FKTN: variants seen among roughly 807,000 people sequenced by gnomAD.
FKTN encodes ribitol-5-phosphate transferase FKTN.
A neutral mutation model predicts 58.6 loss-of-function variants in FKTN; 47 were observed. The observed-to-expected ratio is 0.80, with a 90% confidence interval of 0.63 to 1.02. FKTN has a LOEUF of 1.02. Among genes scored for constraint, FKTN ranks in the 50% least tolerant of loss-of-function variants. The pLI, the probability that FKTN is intolerant of heterozygous loss-of-function variation, is 0.00. For missense variants in FKTN, 516 were observed against 537.3 expected (o/e 0.96, Z 0.39); for synonymous variants, 178 against 191.9 (o/e 0.93, Z 0.60).
At chr9:105,619,654 A>AT (rs201402850) in intron 9 of FKTN, among the ~76,000 whole-genome samples, 2 of 151,574 alleles carry the variant, frequency 1.3e-5, no homozygotes, top group East Asian at 1.9e-4. Flanking sequence ...GGATATTTCT[A>AT]TTTTTTTTCT....
Position 105,585,664 on chromosome 9 carries a change from C to G in FKTN, c.105+10527C>G, listed in dbSNP as rs147772136. Among the ~76,000 whole-genome samples, 759 of 152,246 alleles carry G rather than the reference C, an allele frequency of 5.0e-3. 9 individuals carry two copies. The highest frequency in any genetic ancestry group is 0.017 in the African/African-American group (713 of 41,530). ...GTTTTCTTCTGACATAGGAAGAGAA[C>G]CTGAACTATTGTTAACTTTGTTTAC... On this transcript the variant is annotated intron_variant, in intron 3 of 10. Coordinates refer to ENST00000357998, the MANE Select transcript of FKTN (RefSeq NM_001079802.2).
chr9:105,563,382 CAGGGAAT>C (rs899911397), intron 1 of FKTN, among the ~76,000 whole-genome samples: 5 of 152,026 alleles, frequency 3.3e-5, no homozygotes, highest in African/African-American at 1.2e-4. Flanking sequence ...TGCAAGGGGT[CAGGGAAT>C]TCCCTTTCCT....
chr9:105,636,008 G>A lies in FKTN; in HGVS notation c.*744G>A. ...TGTGAGAATATTTTCACTGACCTCT[G>A]ATGGCACTTGTTGACAAATCATTCA... On this transcript the variant is annotated 3_prime_UTR_variant, in exon 11 of 11. Coordinates refer to ENST00000357998, the MANE Select transcript of FKTN (RefSeq NM_001079802.2). 1 of 985,612 alleles carries A rather than the reference G, an allele frequency of 1.0e-6. No individual in the cohort carries two copies. The highest frequency in any genetic ancestry group is 1.2e-6 in the Non-Finnish European group (1 of 830,090). 61.1% of individuals were successfully genotyped at this position (985,612 alleles called of 1,614,324 possible). A position where few individuals can be genotyped will look rare whatever the true frequency, so the allele number is the denominator to read the frequency against.
chr9:105,635,805 C>T lies in FKTN; in HGVS notation c.*541C>T. On this transcript the variant is annotated 3_prime_UTR_variant, in exon 11 of 11. Transcript: ENST00000357998. Reference sequence around the variant, plus strand: ...AGATGATATCAGGTTCATTTTTCAACTAATCTTATGTGGAATTGAATTAGA... The same window carrying T: ...AGATGATATCAGGTTCATTTTTCAATTAATCTTATGTGGAATTGAATTAGA... 2.0e-6 allele frequency: 2 copies of T among 1,001,132 alleles called. No individual in the cohort carries two copies. Among genetic ancestry groups the T allele is most frequent in the Non-Finnish European group, 2.4e-6 (2 of 838,286 alleles). 62.0% of individuals were successfully genotyped at this position (1,001,132 alleles called of 1,614,324 possible).
At chr9:105,561,547 T>C (rs976503756) in intron 1 of FKTN, among the ~76,000 whole-genome samples, 1 of 152,212 alleles carries the variant, frequency 6.6e-6, no homozygotes, top group African/African-American at 2.4e-5. Context: ...CTTATCTATA[T>C]CTTTCATTTC....
chr9:105,578,853 T>C (rs1359994705), intron 3 of FKTN, among the ~76,000 whole-genome samples: 1 of 152,010 alleles, frequency 6.6e-6, no homozygotes, highest in Non-Finnish European at 1.5e-5. Context: ...TCAGAGCCTG[T>C]TATTGGTCTA....
At chr9:105,581,033 C>A (rs1842780088) in intron 3 of FKTN, among the ~76,000 whole-genome samples, 1 of 145,830 alleles carries the variant, frequency 6.9e-6, no homozygotes, top group African/African-American at 2.7e-5. Context: ...CCTTTAAGTA[C>A]TTCTCTGTAT....
At chr9:105,571,570 T>C (rs781536103) in intron 1 of FKTN, among the ~76,000 whole-genome samples, 3 of 152,182 alleles carry the variant, frequency 2.0e-5, no homozygotes, top group Non-Finnish European at 4.4e-5. Context: ...AATTTAGATT[T>C]TATGCCTGTA....
intron 5 of FKTN, 75 bp downstream of exon 5, chr9:105,601,423 G>A (rs1827856711): frequency 1.8e-6 from 2 of 1,088,804 alleles, no homozygotes; most frequent in African/African-American, 1.6e-5. Context: ...AGTTTAAAAT[G>A]TAAAACATTA....
At chr9:105,565,687 T>C (rs1219055361) in intron 1 of FKTN, among the ~76,000 whole-genome samples, 13 of 152,036 alleles carry the variant, frequency 8.6e-5, no homozygotes, top group African/African-American at 1.2e-4. Context: ...TAGACTCCCA[T>C]ACAATAATAA....
intron 3 of FKTN, among the ~76,000 whole-genome samples, chr9:105,584,995 C>T (rs1299018690): frequency 6.6e-6 from 1 of 152,048 alleles, no homozygotes; most frequent in Non-Finnish European, 1.5e-5. Flanking sequence ...TTTCTTCCTG[C>T]CCAATATTTA....
At chr9:105,582,370 A>G (rs901907151) in intron 3 of FKTN, among the ~76,000 whole-genome samples, 2 of 152,056 alleles carry the variant, frequency 1.3e-5, no homozygotes, top group Non-Finnish European at 2.9e-5. Flanking sequence ...ATTAAAAAAA[A>G]TTTTTTGTAG....
intron 1 of FKTN, among the ~76,000 whole-genome samples, chr9:105,567,889 C>T (rs1389753528): frequency 6.6e-6 from 1 of 152,190 alleles, no homozygotes; most frequent in African/African-American, 2.4e-5. Context: ...TGACTTCAAA[C>T]TATACTACAA....
At chr9:105,615,902 T>C (rs996988477) in intron 8 of FKTN, among the ~76,000 whole-genome samples, 1 of 152,158 alleles carries the variant, frequency 6.6e-6, no homozygotes, top group Non-Finnish European at 1.5e-5. Context: ...TCTCTCAGAG[T>C]ATCTTATTTT....
chr9:105,633,617 A>G (rs1375528499), intron 10 of FKTN: 2 of 152,256 alleles, frequency 1.3e-5, no homozygotes, highest in Non-Finnish European at 1.5e-5. Flanking sequence ...GCTAAGCTGT[A>G]TCTTATTTCT....
At chr9:105,574,362 C>T (rs1587861195) in intron 2 of FKTN, 1 of 152,026 alleles carries the variant, frequency 6.6e-6, no homozygotes, top group African/African-American at 2.4e-5. Context: ...TATTAAATTT[C>T]TTATCCTAAA....
chr9:105,567,924 G>C (rs903561737), intron 1 of FKTN, among the ~76,000 whole-genome samples: 2 of 152,144 alleles, frequency 1.3e-5, no homozygotes, highest in Non-Finnish European at 2.9e-5. Context: ...AAACAGCATG[G>C]TACTGGTACC....
intron 3 of FKTN, among the ~76,000 whole-genome samples, chr9:105,575,658 C>T (rs1841533659): frequency 6.6e-6 from 1 of 152,042 alleles, no homozygotes; most frequent in Non-Finnish European, 1.5e-5. Context: ...CCAAACACTC[C>T]CTCTGGGGTG....
rs183684241 is a variant in FKTN, at chr9:105,593,090, A to C, written c.106-3508A>C. 3.1e-4 allele frequency among the ~76,000 whole-genome samples: 47 copies of C among 152,332 alleles called. No homozygotes were observed. In the East Asian group the frequency reaches 8.3e-3, roughly 27 times the overall value. On this transcript the variant is annotated intron_variant, in intron 3 of 10. Coordinates refer to ENST00000357998, the MANE Select transcript of FKTN (RefSeq NM_001079802.2). Reference sequence around the variant, plus strand: ...CTGGGTAATTTATAAAGGAAAGTTTAATTGTCTCATTGTTCTAGAGGCTGT... The same window carrying C: ...CTGGGTAATTTATAAAGGAAAGTTTCATTGTCTCATTGTTCTAGAGGCTGT...
Sources: allele counts gnomAD v4.1 joint callset (sites outside exome capture counted in the v4.1 genomes callset), GRCh38; gene constraint gnomAD v4.1.1; transcripts MANE v1.5; gene names NCBI Gene and HGNC (gene_info 2026-07-23, HGNC 2026-07-21).